EYS: variants seen among roughly 807,000 people sequenced by gnomAD.
The protein encoded by EYS is protein eyes shut homolog.
A neutral mutation model predicts 282.1 loss-of-function variants in EYS; 250 were observed. The ratio of observed to expected loss-of-function variants is 0.89; its 90% confidence interval spans 0.80 to 0.98. The LOEUF (loss-of-function observed/expected upper bound fraction) is 0.98, where lower values mean the gene tolerates loss of function less well. Among genes scored for constraint, EYS ranks in the 50% least tolerant of loss-of-function variants. The pLI is 0.00. For synonymous variants in EYS, 1,355 were observed against 1,282.9 expected, an observed-to-expected ratio of 1.06 and a Z score of -1.20; for missense variants, 4,016 against 3,709.0, an observed-to-expected ratio of 1.08 and a Z score of -2.15.
At chr6:65,463,647 G>GATGT (rs1764896090) in intron 5 of EYS, among the ~76,000 whole-genome samples, 1 of 152,076 alleles carries the variant, frequency 6.6e-6, no homozygotes, top group Non-Finnish European at 1.5e-5. Flanking sequence ...AATATTGCTT[G>GATGT]ATGTGTTTAT....
chr6:65,680,770 T>A (rs936229865), intron 1 of EYS, among the ~76,000 whole-genome samples: 1 of 152,002 alleles, frequency 6.6e-6, no homozygotes, highest in East Asian at 1.9e-4. Context: ...TTCCTCACCA[T>A]CAGCAAAGAA....
chr6:65,187,842 C>T (rs1488019161), intron 12 of EYS, among the ~76,000 whole-genome samples: 1 of 151,616 alleles, frequency 6.6e-6, no homozygotes, highest in Non-Finnish European at 1.5e-5. Context: ...AAAAATATTG[C>T]TAATTTTATT....
chr6:65,575,385 T>A (rs957853369), intron 2 of EYS, among the ~76,000 whole-genome samples: 37 of 150,084 alleles, frequency 2.5e-4, no homozygotes, highest in Non-Finnish European at 2.1e-4. Flanking sequence ...TTTAAAAATA[T>A]CTTCAGAGAA....
intron 24 of EYS, among the ~76,000 whole-genome samples, chr6:64,613,416 G>A (rs889010370): frequency 2.0e-5 from 3 of 151,976 alleles, no homozygotes; most frequent in African/African-American, 7.2e-5. Context: ...CTGGGTTTTG[G>A]TCTGGTGTGT....
chr6:64,185,549 G>A (rs12196130), intron 31 of EYS, among the ~76,000 whole-genome samples: 86,287 of 151,992 alleles, frequency 0.57, 26,250 homozygotes, highest in Non-Finnish European at 0.68. Context: ...GACACGGAAA[G>A]GCTACTGCCT....
intron 26 of EYS, among the ~76,000 whole-genome samples, chr6:64,516,286 A>G (rs769320692): frequency 1.3e-5 from 2 of 151,506 alleles, no homozygotes; most frequent in African/African-American, 4.8e-5. Flanking sequence ...CACACACTGG[A>G]CCTTTTTTGG....
At chr6:64,305,337 C>A (rs761263171) in intron 30 of EYS, among the ~76,000 whole-genome samples, 8 of 133,952 alleles carry the variant, frequency 6.0e-5, no homozygotes, top group Non-Finnish European at 1.3e-4. Context: ...GTGCAATCCC[C>A]AACAAAATCC....
chr6:65,050,351 G>A (rs1342826464), intron 13 of EYS, among the ~76,000 whole-genome samples: 2 of 151,526 alleles, frequency 1.3e-5, no homozygotes, highest in Non-Finnish European at 3.0e-5. Flanking sequence ...CTGTTTAATT[G>A]CTAGACAGAA....
intron 22 of EYS, among the ~76,000 whole-genome samples, chr6:64,773,312 C>A (rs750998340): frequency 2.0e-5 from 3 of 151,852 alleles, no homozygotes; most frequent in Non-Finnish European, 4.4e-5. Flanking sequence ...GGCATGATCT[C>A]ATTCTTTTTT....
At chr6:65,571,748 T>C (rs1764483634) in intron 2 of EYS, among the ~76,000 whole-genome samples, 1 of 152,130 alleles carries the variant, frequency 6.6e-6, no homozygotes, top group Non-Finnish European at 1.5e-5. Context: ...AAGTTCAGTC[T>C]ATATAGAAAG....
rs77429702 is a variant in EYS at position 65,076,738 on chromosome 6, A to T, written c.2024-19011T>A. Among the ~76,000 whole-genome samples, 829 of 151,876 alleles carry T rather than the reference A, an allele frequency of 5.5e-3. 18 individuals carry two copies. In the East Asian group the frequency reaches 0.077, roughly 14 times the overall value. On this transcript the variant is annotated intron_variant, in intron 12 of 42. Transcript: ENST00000503581. ...TATATACATTCTCTCTCCTCCTCTC[A>T]TGGTAATCTAAGAGGCATGCTGAGT...
chr6:65,049,206 C>T (rs1187523661), intron 13 of EYS, among the ~76,000 whole-genome samples: 5 of 151,890 alleles, frequency 3.3e-5, no homozygotes, highest in Admixed American at 1.3e-4. Context: ...TTAATGACTT[C>T]GCATTGCCCC....
intron 2 of EYS, among the ~76,000 whole-genome samples, chr6:65,598,242 C>A (rs1268200047): frequency 1.9e-4 from 16 of 84,638 alleles, no homozygotes; most frequent in Middle Eastern, 9.6e-3. Context: ...CCACCCACCC[C>A]CCCCCCAAAA....
intron 14 of EYS, among the ~76,000 whole-genome samples, chr6:64,949,200 G>A (rs531213994): frequency 2.0e-5 from 3 of 151,808 alleles, no homozygotes; most frequent in Admixed American, 1.3e-4. Flanking sequence ...CAACATAAAT[G>A]TATTGTCTCA....
intron 22 of EYS, among the ~76,000 whole-genome samples, chr6:64,806,176 T>C (rs191284494): frequency 3.3e-5 from 5 of 151,890 alleles, no homozygotes; most frequent in Admixed American, 3.3e-4. Context: ...ATATAATCTC[T>C]ATTTAATAAA....
intron 36 of EYS, among the ~76,000 whole-genome samples, chr6:63,848,337 T>C (rs952300350): frequency 6.6e-6 from 1 of 152,088 alleles, no homozygotes; most frequent in Non-Finnish European, 1.5e-5. Context: ...GGTCTGTGGA[T>C]AGTTTTAAAA....
intron 13 of EYS, among the ~76,000 whole-genome samples, chr6:65,008,413 G>T (rs556466403): frequency 6.6e-6 from 1 of 152,120 alleles, no homozygotes; most frequent in African/African-American, 2.4e-5. Flanking sequence ...GGCAACCTTG[G>T]TTTTTTATAA....
chr6:64,092,072 C>G (rs112234720), intron 31 of EYS, among the ~76,000 whole-genome samples: 11,443 of 152,138 alleles, frequency 0.075, 1,345 homozygotes, highest in African/African-American at 0.25. Flanking sequence ...CCCTACAAAG[C>G]ACATGAACTT....
intron 12 of EYS, among the ~76,000 whole-genome samples, chr6:65,206,088 A>C (rs1050319024): frequency 6.6e-6 from 1 of 151,840 alleles, no homozygotes; most frequent in African/African-American, 2.4e-5. Context: ...AAGATCAACA[A>C]AATGAAAAGT....
Sources: gnomAD v4.1 joint callset for allele counts (sites outside exome capture counted in the v4.1 genomes callset) on GRCh38, gnomAD v4.1.1 for gene constraint, MANE v1.5 for transcripts, NCBI Gene and HGNC (gene_info 2026-07-23, HGNC 2026-07-21) for gene names.